Variants in TNS1 observed in about 807,000 individuals in gnomAD.
TNS1 encodes tensin 1, also known as tensin-1.
A neutral mutation model predicts 168.6 loss-of-function variants in TNS1; 62 were observed. The observed-to-expected ratio is 0.37, with a 90% CI of 0.30 to 0.45. The LOEUF (loss-of-function observed/expected upper bound fraction) is 0.45, where lower values mean the gene tolerates loss of function less well. Ranked by LOEUF, TNS1 falls within the 20% of genes least tolerant of loss-of-function variation. The pLI, the probability that TNS1 is intolerant of heterozygous loss-of-function variation, is 1.00. For missense variants in TNS1, 2,240 were observed against 2,339.4 expected, an observed-to-expected ratio of 0.96 and a Z score of 0.88; for synonymous variants, 934 against 933.2, an observed-to-expected ratio of 1.00 and a Z score of -0.02.
chr2:217,848,015 GATGGACTGTTCA>G lies in TNS1; in HGVS notation c.2490_2501del (p.Gln832_Glu835del), dbSNP rs749294339. The G allele has an allele frequency of 1.3e-6, 2 of 1,518,998 alleles. No homozygotes were observed. The highest frequency in any genetic ancestry group is 4.6e-5 in the East Asian group (2 of 43,946). 94.1% of individuals were successfully genotyped at this position (1,518,998 alleles called of 1,614,324 possible). On this transcript the variant is annotated inframe_deletion, in exon 19 of 33. Coordinates refer to ENST00000682258, the MANE Select transcript of TNS1 (RefSeq NM_001387777.1). Reference sequence around the variant, plus strand: ...CCAGCATCAGCATATTGAGTGTTTCGATGGACTGTTCAATCTCCTGCTGGGAGGCTGCTCGCG... The same window carrying G: ...CCAGCATCAGCATATTGAGTGTTTCGATCTCCTGCTGGGAGGCTGCTCGCG...
intron 2 of TNS1, among the ~76,000 whole-genome samples, chr2:217,979,111 G>A (rs760114305): frequency 2.0e-5 from 3 of 151,970 alleles, no homozygotes; most frequent in African/African-American, 7.2e-5. Flanking sequence ...CCCCTGCCAG[G>A]GGCAGAGGTA....
intron 18 of TNS1, among the ~76,000 whole-genome samples, chr2:217,866,363 C>G (rs971315178): frequency 2.0e-5 from 3 of 152,198 alleles, no homozygotes; most frequent in Non-Finnish European, 4.4e-5. Flanking sequence ...CTACCAGGCA[C>G]TGTTTGGATC....
At chr2:217,810,879 AT>A (rs5838670) in intron 28 of TNS1, among the ~76,000 whole-genome samples, 2,147 of 144,436 alleles carry the variant, frequency 0.015, 25 homozygotes, top group African/African-American at 0.04. Flanking sequence ...ATGGTACATA[AT>A]TTTTTTTTTT....
chr2:218,021,044 G>T (rs1470665383), intron 1 of TNS1, among the ~76,000 whole-genome samples: 3 of 152,252 alleles, frequency 2.0e-5, no homozygotes, highest in African/African-American at 7.2e-5. Flanking sequence ...AAAAGGCCTT[G>T]GAACTGTTAA....
intron 3 of TNS1, chr2:217,937,261 G>A (rs1956663426): frequency 5.7e-6 from 2 of 348,024 alleles, no homozygotes; most frequent in South Asian, 4.4e-5. Context: ...CTGGCATAGG[G>A]TGGATGCCCT....
chr2:217,938,587 C>T (rs1324658865), intron 3 of TNS1, among the ~76,000 whole-genome samples: 1 of 152,228 alleles, frequency 6.6e-6, no homozygotes, highest in Non-Finnish European at 1.5e-5. Flanking sequence ...GGGGATCCTA[C>T]TTTAAAATGT....
At chr2:217,908,013 C>T (rs771132128) in intron 4 of TNS1, among the ~76,000 whole-genome samples, 13 of 152,180 alleles carry the variant, frequency 8.5e-5, no homozygotes, top group Non-Finnish European at 1.6e-4. Context: ...CTGTCTGGTC[C>T]TTAGTGTATG....
chr2:217,880,856 T>C lies in TNS1; in HGVS notation c.1429+42A>G. ...AGCAAGGTCATGTGAGCAGAGGCTG[T>C]GCAGTTTGGATAGGGGCTGGGAGCC... On this transcript the variant is annotated intron_variant, in intron 18 of 32. Transcript: ENST00000682258. The surrounding 1 kb of genome is among the most constrained non-coding windows in gnomAD (Gnocchi z 4.2). 7.0e-7 allele frequency: 1 copy of C among 1,434,776 alleles called. No individual in the cohort carries two copies. Among genetic ancestry groups the C allele is most frequent in the Non-Finnish European group, 9.8e-7 (1 of 1,016,620 alleles). 88.9% of individuals were successfully genotyped at this position (1,434,776 alleles called of 1,614,324 possible).
intron 3 of TNS1, among the ~76,000 whole-genome samples, chr2:217,956,414 G>C (rs888509436): frequency 1.2e-4 from 18 of 152,122 alleles, no homozygotes; most frequent in African/African-American, 3.4e-4. Context: ...GCAGCAGAAG[G>C]GGGAGTAACA....
chr2:217,984,333 A>G (rs1236090026), intron 2 of TNS1, among the ~76,000 whole-genome samples: 5 of 152,132 alleles, frequency 3.3e-5, no homozygotes, highest in African/African-American at 1.2e-4. Context: ...AGCTTGTCCA[A>G]CCTGCAGGCT....
chr2:217,998,833 C>T (rs1958512869), intron 1 of TNS1, among the ~76,000 whole-genome samples: 1 of 152,140 alleles, frequency 6.6e-6, no homozygotes, highest in Non-Finnish European at 1.5e-5. Flanking sequence ...AAATTCACCT[C>T]CCGAGGAGTC....
intron 1 of TNS1, among the ~76,000 whole-genome samples, chr2:217,991,633 A>G (rs772983580): frequency 6.6e-6 from 1 of 151,994 alleles, no homozygotes; most frequent in Non-Finnish European, 1.5e-5. Flanking sequence ...GCTGCATCCA[A>G]CACAGCTTCT....
Position 218,032,611 on chromosome 2 carries a change from TC to T in TNS1, c.156+1208del, listed in dbSNP as rs1958906691. 6.6e-6 allele frequency among the ~76,000 whole-genome samples: 1 copy of T among 152,048 alleles called. No individual in the cohort carries two copies. The highest frequency in any genetic ancestry group is 1.5e-5 in the Non-Finnish European group (1 of 67,986). ...CACTGACTCTTGGCTTTTGAGGGGA[TC>T]AGCACCCAGGAGATGTTTATCTGCC... is the stretch of plus-strand genomic sequence containing the variant. On this transcript the variant is annotated intron_variant, in intron 1 of 1. Transcript: ENST00000649572. This position sits in a 1 kb window ranked among gnomAD's most constrained non-coding sequence, Gnocchi z 4.0.
chr2:217,844,175 T>C (rs1425860028), intron 19 of TNS1, among the ~76,000 whole-genome samples: 1 of 152,146 alleles, frequency 6.6e-6, no homozygotes, highest in South Asian at 2.1e-4. Context: ...CCCCACAGTA[T>C]CCACTGCATC....
intron 2 of TNS1, among the ~76,000 whole-genome samples, chr2:217,982,678 C>T (rs1958085063): frequency 6.6e-6 from 1 of 152,152 alleles, no homozygotes; most frequent in African/African-American, 2.4e-5. Flanking sequence ...GCTAGGATTA[C>T]AGGAGTGAAC....
intron 3 of TNS1, among the ~76,000 whole-genome samples, chr2:217,960,581 C>T (rs1469714875): frequency 6.6e-6 from 1 of 152,104 alleles, no homozygotes; most frequent in Admixed American, 6.5e-5. Flanking sequence ...CTCTAGCACT[C>T]GGCCTCCACG....
At position 217,885,127 on chromosome 2, in the gene TNS1, C is replaced by G. The variant is rs61737669; in HGVS notation, c.1154G>C (p.Arg385Pro). ...CYHKKFRSPA[R>P]DVIFRVQFHT... ...GAACTGCACACGGAAGATGACGTCT[C>G]GGGCTGGGCTTCGGAACTTCTTGTG... Residue 385 changes from arginine to proline, a missense_variant, in exon 16 of 33, where the codon CGA (arginine) becomes CCA (proline). By Grantham distance (103) the Arg-to-Pro change is moderately radical. Transcript: ENST00000682258. 1.3e-3 allele frequency: 2,056 copies of G among 1,614,108 alleles called. 1 individual carries two copies. Among genetic ancestry groups the G allele is most frequent in the Non-Finnish European group, 1.3e-3 (1,522 of 1,180,048 alleles).
intron 21 of TNS1, among the ~76,000 whole-genome samples, chr2:217,834,363 AG>A (rs1944881228): frequency 6.6e-6 from 1 of 152,236 alleles, no homozygotes; most frequent in African/African-American, 2.4e-5. Context: ...GTGCTGACCC[AG>A]GCCTCTCCTG....
At chr2:217,841,952 C>T (rs1419312912) in intron 19 of TNS1, 10 of 636,796 alleles carry the variant, frequency 1.6e-5, no homozygotes, top group Non-Finnish European at 2.3e-5. Context: ...TTATCCTTTC[C>T]TTGCCCCTTG....
Sources: allele counts gnomAD v4.1 joint callset (sites outside exome capture counted in the v4.1 genomes callset), GRCh38; gene constraint gnomAD v4.1.1; non-coding constraint Gnocchi (gnomAD v3.1); transcripts MANE v1.5; gene names NCBI Gene and HGNC (gene_info 2026-07-23, HGNC 2026-07-21).